HAUS5: variants seen among roughly 807,000 people sequenced by gnomAD.
HAUS5 encodes the protein HAUS augmin like complex subunit 5.
HAUS5 carries 67 observed loss-of-function variants against 94.1 expected under a neutral mutation model. That is an observed-to-expected ratio of 0.71 (90% CI 0.58 to 0.87). HAUS5 has a LOEUF of 0.87. Among genes scored for constraint, HAUS5 ranks in the 40% least tolerant of loss-of-function variants. The pLI, the probability that HAUS5 is intolerant of heterozygous loss-of-function variation, is 0.00. For synonymous variants in HAUS5, 339 were observed against 355.4 expected (o/e 0.95, Z 0.52); for missense variants, 739 against 825.6 (o/e 0.90, Z 1.29).
At position 35,620,303 on chromosome 19, in the gene HAUS5, C is replaced by T. The variant is rs1004141878; in HGVS notation, c.1627C>T (p.Leu543=). The change falls in exon 17 of 19, where the codon CTG becomes TTG. Residue 543 remains leucine, a synonymous_variant. Coordinates refer to ENST00000203166, the MANE Select transcript of HAUS5 (RefSeq NM_015302.2). ...CWDLLHMKTS[L]PPGLPTQELL... ...GGATCTACTCCACATGAAGACCAGC[C>T]TGCCGCCAGGCCTTCCCACCCAGGG... is the stretch of plus-strand genomic sequence containing the variant. The T allele has an allele frequency of 2.2e-5, 35 of 1,613,172 alleles. No individual in the cohort carries two copies. Among genetic ancestry groups the T allele is most frequent in the Non-Finnish European group, 2.8e-5 (33 of 1,179,806 alleles).
chr19:35,617,077 A>C, intron 6 of HAUS5, 47 bp from the exon 7 acceptor site: 1 of 1,507,704 alleles, frequency 6.6e-7, no homozygotes, highest in East Asian at 2.3e-5. Flanking sequence ...GGGCACAGAC[A>C]TCTGTTCTCC....
At chr19:35,621,467 C>T (rs975452540) in intron 17 of HAUS5, among the ~76,000 whole-genome samples, 3 of 152,158 alleles carry the variant, frequency 2.0e-5, no homozygotes, top group East Asian at 1.9e-4. Flanking sequence ...CTCAGCCTCC[C>T]GAGTAGCTGG....
Position 35,623,866 on chromosome 19 carries a change from A to G in HAUS5, c.*873A>G, listed in dbSNP as rs893115892. ...CAGGTGTAGAGATTTGTCAGAGCTC[A>G]TGTAGTTGTAGTCTTAAGGCCTGTG... On this transcript the variant is annotated 3_prime_UTR_variant, in exon 19 of 19. Coordinates refer to ENST00000203166, the MANE Select transcript of HAUS5 (RefSeq NM_015302.2). 3.9e-5 allele frequency: 6 copies of G among 152,154 alleles called. No homozygotes were observed. The highest frequency in any genetic ancestry group is 1.2e-4 in the African/African-American group (5 of 41,422). The allele number at this position is 152,154 out of a possible 1,614,324, so 9.4% of individuals were successfully genotyped here. A position where few individuals can be genotyped will look rare whatever the true frequency, so the allele number is the denominator to read the frequency against.
rs764773040 is a variant in HAUS5, at chr19:35,617,292, T to C, written c.561T>C (p.Asp187=). The C allele has an allele frequency of 6.2e-7, 1 of 1,613,654 alleles. No homozygotes were observed. Among genetic ancestry groups the C allele is most frequent in the Non-Finnish European group, 8.5e-7 (1 of 1,179,586 alleles). The change falls in exon 8 of 19, where the codon GAT becomes GAC. Residue 187 remains aspartate (D), a synonymous_variant. Coordinates refer to ENST00000203166, the MANE Select transcript of HAUS5 (RefSeq NM_015302.2). Reference sequence around the variant, plus strand: ...CTTCCTCCTCTTCTCCCTAGCGTGATGTCCGAACAGCCTGCACCCTCCGGG... The same window carrying C: ...CTTCCTCCTCTTCTCCCTAGCGTGACGTCCGAACAGCCTGCACCCTCCGGG... ...ALGLEPVVLR[D]VRTACTLRAQ...
chr19:35,613,707 A>T (rs1234863025), intron 1 of HAUS5, 23 bp from the exon 2 acceptor site: 7 of 1,611,140 alleles, frequency 4.3e-6, no homozygotes, highest in Non-Finnish European at 5.1e-6. Flanking sequence ...CCCCAGGCAT[A>T]TGCTTACACA....
At chr19:35,620,501 T>C (rs540263692) in intron 17 of HAUS5, among the ~76,000 whole-genome samples, 174 bp downstream of exon 17, 3 of 152,322 alleles carry the variant, frequency 2.0e-5, no homozygotes, top group East Asian at 3.9e-4. Flanking sequence ...AGTGCTGCTG[T>C]TCTCTCCATT....
Position 35,618,067 on chromosome 19 carries a change from CT to C in HAUS5, c.697-3del. Reference sequence around the variant, plus strand: ...TGCCCTGACTTCACCCTCCCTCCCCCTAGACGCTGCTGACAAACCACCCCCC... The same window carrying C: ...TGCCCTGACTTCACCCTCCCTCCCCCAGACGCTGCTGACAAACCACCCCCC... On this transcript the variant is annotated splice_region_variant and splice_polypyrimidine_tract_variant and intron_variant, in intron 9 of 18. Transcript: ENST00000203166. The C allele has an allele frequency of 2.5e-6, 4 of 1,590,222 alleles. No individual in the cohort carries two copies. Among genetic ancestry groups the C allele is most frequent in the Non-Finnish European group, 2.6e-6 (3 of 1,165,796 alleles).
rs771963666 is a variant in HAUS5 at position 35,622,707 on chromosome 19, T to C, written c.1758T>C (p.Pro586=). 1.9e-6 allele frequency: 3 copies of C among 1,613,906 alleles called. No homozygotes were observed. In the East Asian group the frequency reaches 6.7e-5, roughly 36 times the overall value. ...KLLKQALERI[P]ELQGIVGDWW... ...TGAAACAGGCACTGGAGCGAATCCC[T>C]GAGCTGCAGGGGATCGTGGGGGACT... The change falls in exon 18 of 19, where the codon CCT becomes CCC. Residue 586 remains proline (P), a synonymous_variant. Coordinates refer to ENST00000203166, the MANE Select transcript of HAUS5 (RefSeq NM_015302.2).
At chr19:35,615,181 T>C in intron 5 of HAUS5, 34 bp downstream of exon 5, 1 of 1,611,952 alleles carries the variant, frequency 6.2e-7, no homozygotes, top group Non-Finnish European at 8.5e-7. Context: ...GGCACCAGAA[T>C]GTGGGGCGGG....
rs183674862 is a variant in HAUS5 at position 35,624,366 on chromosome 19, A to C, written c.*1373A>C. Reference sequence around the variant, plus strand: ...GTGATCTGCCTGCCTCGGCCTCCCAAAGTGCTGGGATTACAGGCATGAGCC... The same window carrying C: ...GTGATCTGCCTGCCTCGGCCTCCCACAGTGCTGGGATTACAGGCATGAGCC... On this transcript the variant is annotated 3_prime_UTR_variant, in exon 19 of 19. Coordinates refer to ENST00000203166, the MANE Select transcript of HAUS5 (RefSeq NM_015302.2). 1 of 152,154 alleles carries C rather than the reference A, an allele frequency of 6.6e-6. No homozygotes were observed. The highest frequency in any genetic ancestry group is 6.5e-5 in the Admixed American group (1 of 15,276). The allele number at this position is 152,154 out of a possible 1,614,324, so 9.4% of individuals were successfully genotyped here.
intron 1 of HAUS5, 156 bp from the exon 2 acceptor site, chr19:35,613,570 TAAAA>T (rs34133946): frequency 2.3e-3 from 1,123 of 496,576 alleles, no homozygotes; most frequent in Middle Eastern, 4.7e-3. Flanking sequence ...GACTGTCTCT[TAAAA>T]AAAAAAAAAA....
intron 1 of HAUS5, 132 bp from the exon 2 acceptor site, chr19:35,613,598 A>G: frequency 1.4e-6 from 1 of 694,526 alleles, no homozygotes; most frequent in Non-Finnish European, 2.4e-6. Flanking sequence ...AAAGGCAAAA[A>G]AAAGTTTGGG....
chr19:35,617,742 A>G, intron 8 of HAUS5, 113 bp from the exon 9 acceptor site: 1 of 909,832 alleles, frequency 1.1e-6, no homozygotes, highest in Non-Finnish European at 1.8e-6. Flanking sequence ...GGGGAACTCA[A>G]GTCTAACAGG....
rs1016613951 is a variant in HAUS5, at chr19:35,617,123, G to A, written c.486-1G>A. On this transcript the variant is annotated splice_acceptor_variant, in intron 6 of 18. Transcript: ENST00000203166. LOFTEE classifies it high-confidence loss of function. ...AGCCCCAGCTGCACTTCTCCCTCCA[G>A]GAAAGCCAAAGTAGATGTGACCTTT... is the stretch of plus-strand genomic sequence containing the variant. 1.9e-6 allele frequency: 3 copies of A among 1,612,708 alleles called. No homozygotes were observed. The highest frequency in any genetic ancestry group is 2.7e-5 in the African/African-American group (2 of 74,878).
intron 8 of HAUS5, among the ~76,000 whole-genome samples, 196 bp from the exon 9 acceptor site, chr19:35,617,659 G>A (rs1407867904): frequency 1.3e-5 from 2 of 152,100 alleles, no homozygotes; most frequent in Non-Finnish European, 2.9e-5. Context: ...GCTTAGCTGG[G>A]GTGAAGGGTC....
Position 35,619,694 on chromosome 19 carries a change from G to T in HAUS5, c.1342G>T (p.Glu448Ter). ...PQSRELLRCL[E>*]EEVRHLPHIL... ...GAGCCGGGAGCTGCTGCGCTGTCTG[G>T]AGGAGGAAGTCCGGCATTTGCCCCA... Residue 448 changes from glutamate (E) to a stop codon, truncating the protein, a stop_gained, in exon 15 of 19, where the codon GAG becomes TAG. Coordinates refer to ENST00000203166, the MANE Select transcript of HAUS5 (RefSeq NM_015302.2). LOFTEE classifies it high-confidence loss of function. 6.3e-7 allele frequency: 1 copy of T among 1,578,854 alleles called. No homozygotes were observed. Among genetic ancestry groups the T allele is most frequent in the South Asian group, 1.2e-5 (1 of 86,240 alleles).
intron 17 of HAUS5, among the ~76,000 whole-genome samples, chr19:35,622,065 G>A (rs1488846472): frequency 6.6e-6 from 1 of 152,196 alleles, no homozygotes; most frequent in Non-Finnish European, 1.5e-5. Context: ...CTCTACTGTG[G>A]GCCCTGGGAA....
intron 17 of HAUS5, 151 bp downstream of exon 17, chr19:35,620,478 G>C: frequency 2.9e-6 from 2 of 689,234 alleles, no homozygotes; most frequent in African/African-American, 1.8e-5. Flanking sequence ...CTGCACGGCA[G>C]TCCCATAAGG....
At chr19:35,619,946 CAG>C in intron 15 of HAUS5, 64 bp from the exon 16 acceptor site, 4 of 1,563,636 alleles carry the variant, frequency 2.6e-6, no homozygotes, top group Non-Finnish European at 3.5e-6. Context: ...CCTGGGCCCC[CAG>C]AGCCTCCAGA....
Sources: allele counts gnomAD v4.1 joint callset (sites outside exome capture counted in the v4.1 genomes callset), GRCh38; gene constraint gnomAD v4.1.1; transcripts MANE v1.5; gene names NCBI Gene and HGNC (gene_info 2026-07-23, HGNC 2026-07-21).